Variants in MAF observed in about 807,000 individuals in gnomAD.
MAF encodes transcription factor Maf.
Under a neutral mutation model 22.0 loss-of-function variants are expected in MAF, and 10 were observed. The observed-to-expected ratio is 0.45, with a 90% CI of 0.28 to 0.77. The LOEUF is 0.77. Among genes scored for constraint, MAF ranks in the 30% least tolerant of loss-of-function variants. The pLI, the probability that MAF is intolerant of heterozygous loss-of-function variation, is 0.12. For missense variants in MAF, 544 were observed against 548.4 expected, an observed-to-expected ratio of 0.99 and a Z score of 0.08; for synonymous variants, 337 against 255.8, an observed-to-expected ratio of 1.32 and a Z score of -3.03.
the MAF span, among the ~76,000 whole-genome samples, chr16:79,254,028 G>GT: frequency 5.0e-3 from 671 of 134,638 alleles, 6 homozygotes; most frequent in African/African-American, 9.5e-3. Flanking sequence ...ATCTTTTTTT[G>GT]TTTTTTTTTT....
At chr16:79,432,370 T>A in the MAF span, among the ~76,000 whole-genome samples, 1 of 152,202 alleles carries the variant, frequency 6.6e-6, no homozygotes, top group African/African-American at 2.4e-5. Context: ...AATGTACTAA[T>A]ACACCCTATA....
At chr16:79,235,114 C>T in the MAF span, among the ~76,000 whole-genome samples, 1 of 152,034 alleles carries the variant, frequency 6.6e-6, no homozygotes, top group Admixed American at 6.6e-5. Context: ...AAGCCAGTAC[C>T]ATTTTTGGGG....
the MAF span, among the ~76,000 whole-genome samples, chr16:79,495,453 C>G: frequency 1.5e-4 from 23 of 152,230 alleles, no homozygotes; most frequent in Admixed American, 3.9e-4. Flanking sequence ...ACAGAACTGT[C>G]TTAAAAAATA....
At chr16:79,445,022 GATTTATTT>G in the MAF span, among the ~76,000 whole-genome samples, 1 of 151,898 alleles carries the variant, frequency 6.6e-6, no homozygotes, top group African/African-American at 2.4e-5. Flanking sequence ...AACACATAAA[GATTTATTT>G]ATTTATTTAT....
chr16:79,378,536 C>A, the MAF span, among the ~76,000 whole-genome samples: 6 of 151,998 alleles, frequency 3.9e-5, no homozygotes, highest in Non-Finnish European at 5.9e-5. Context: ...ATATGTTACA[C>A]TGAAATAACA....
At chr16:79,403,351 G>A in the MAF span, among the ~76,000 whole-genome samples, 3 of 152,168 alleles carry the variant, frequency 2.0e-5, no homozygotes, top group South Asian at 2.1e-4. Flanking sequence ...ACAAGCTCTC[G>A]CCTGGGTTAT....
At chr16:79,244,882 G>T in the MAF span, among the ~76,000 whole-genome samples, 1 of 152,094 alleles carries the variant, frequency 6.6e-6, no homozygotes, top group East Asian at 1.9e-4. Flanking sequence ...TAGATTAATG[G>T]AATGGAACAG....
chr16:79,374,347 G>C, the MAF span, among the ~76,000 whole-genome samples: 1 of 152,030 alleles, frequency 6.6e-6, no homozygotes, highest in South Asian at 2.1e-4. Context: ...CATCCAACTG[G>C]TCAATGAGCT....
At chr16:79,546,584 C>A in the MAF span, among the ~76,000 whole-genome samples, 1 of 152,156 alleles carries the variant, frequency 6.6e-6, no homozygotes, top group Non-Finnish European at 1.5e-5. Context: ...TGGCTTACAT[C>A]AGGACAGATT....
the MAF span, among the ~76,000 whole-genome samples, chr16:79,264,983 C>G: frequency 6.6e-6 from 1 of 152,138 alleles, no homozygotes; most frequent in Non-Finnish European, 1.5e-5. Context: ...TCGCCTGTGA[C>G]TAATGCTGAT....
chr16:79,274,368 C>T, the MAF span, among the ~76,000 whole-genome samples: 9 of 152,046 alleles, frequency 5.9e-5, no homozygotes, highest in African/African-American at 1.9e-4. Flanking sequence ...ATGCAGATGT[C>T]TGGTTTACCA....
the MAF span, among the ~76,000 whole-genome samples, chr16:79,550,732 G>A: frequency 1.3e-5 from 2 of 152,236 alleles, no homozygotes; most frequent in East Asian, 3.9e-4. Flanking sequence ...GTAGGATTTT[G>A]CACCATCTAA....
At chr16:79,247,465 A>C in the MAF span, among the ~76,000 whole-genome samples, 1 of 152,196 alleles carries the variant, frequency 6.6e-6, no homozygotes, top group Non-Finnish European at 1.5e-5. Flanking sequence ...CAGCTCACCC[A>C]GTTGAATCCA....
At chr16:79,319,440 T>C in the MAF span, among the ~76,000 whole-genome samples, 1 of 152,214 alleles carries the variant, frequency 6.6e-6, no homozygotes, top group Non-Finnish European at 1.5e-5. Flanking sequence ...ATAAACCGGA[T>C]ATTAGCTAGT....
chr16:79,286,141 A>G, the MAF span, among the ~76,000 whole-genome samples: 2 of 152,384 alleles, frequency 1.3e-5, no homozygotes, highest in Non-Finnish European at 1.5e-5. Flanking sequence ...AGCCCTTAAT[A>G]AGCAGTAGCT....
At chr16:79,207,264 G>A in the MAF span, among the ~76,000 whole-genome samples, 2 of 152,232 alleles carry the variant, frequency 1.3e-5, no homozygotes, top group Non-Finnish European at 2.9e-5. Context: ...CATTTGAGAA[G>A]TATTTGCTTT....
chr16:79,464,022 G>A, the MAF span, among the ~76,000 whole-genome samples: 6 of 151,824 alleles, frequency 4.0e-5, no homozygotes, highest in East Asian at 1.9e-4. Flanking sequence ...ATGTTTGGAC[G>A]GAGAAGGAAA....
At chr16:79,239,946 C>T in the MAF span, among the ~76,000 whole-genome samples, 8 of 152,046 alleles carry the variant, frequency 5.3e-5, no homozygotes, top group South Asian at 4.1e-4. Context: ...GAATGTTTTA[C>T]GGATAGATGC....
At chr16:79,568,862 T>C in the MAF span, among the ~76,000 whole-genome samples, 1 of 152,190 alleles carries the variant, frequency 6.6e-6, no homozygotes, top group Non-Finnish European at 1.5e-5. Context: ...TCTAGGGGCT[T>C]TACGTAGATT....
Sources: gnomAD v4.1 joint callset for allele counts (sites outside exome capture counted in the v4.1 genomes callset) on GRCh38, gnomAD v4.1.1 for gene constraint, MANE v1.5 for transcripts, NCBI Gene and HGNC (gene_info 2026-07-23, HGNC 2026-07-21) for gene names.